The following CABIN1 variants were observed in gnomAD, a reference collection of about 807,000 sequenced individuals.
CABIN1 encodes calcineurin-binding protein cabin-1.
CABIN1 carries 133 observed loss-of-function variants against 227.7 expected under a neutral mutation model. That is an observed-to-expected ratio of 0.58 (90% CI 0.51 to 0.67). The LOEUF (loss-of-function observed/expected upper bound fraction) is 0.67. Among genes scored for constraint, CABIN1 ranks in the 30% least tolerant of loss-of-function variants. The pLI, the probability that CABIN1 is intolerant of heterozygous loss-of-function variation, is 0.00. For synonymous variants in CABIN1, 1,086 were observed against 1,155.1 expected (o/e 0.94, Z 1.21); for missense variants, 2,408 against 2,852.5 (o/e 0.84, Z 3.55).
Position 24,070,961 on chromosome 22 carries a change from C to G in CABIN1, c.2394C>G (p.Leu798=). ...TQLLMGIEQA[L]SADSSGSILK... ...TGCTGATGGGCATCGAGCAGGCCCT[C>G]TCTGCGGACAGCAGTGGTAGCATCC... is the stretch of plus-strand genomic sequence containing the variant. Residue 798 remains leucine, a synonymous_variant, in exon 17 of 37, where the codon CTC becomes CTG. Coordinates refer to ENST00000263119, the MANE Select transcript of CABIN1 (RefSeq NM_012295.4). 1 of 1,614,230 alleles carries G rather than the reference C, an allele frequency of 6.2e-7. No homozygotes were observed. The highest frequency in any genetic ancestry group is 8.5e-7 in the Non-Finnish European group (1 of 1,180,032).
chr22:24,119,218 C>T, intron 27 of CABIN1, 149 bp from the exon 28 acceptor site: 1 of 734,986 alleles, frequency 1.4e-6, no homozygotes, highest in South Asian at 1.5e-5. Context: ...CCTGTGCCTC[C>T]TGCTGCTGGG....
chr22:24,178,203 A>C lies in CABIN1; in HGVS notation c.*7A>C. 6.2e-7 allele frequency: 1 copy of C among 1,612,620 alleles called. No homozygotes were observed. Among genetic ancestry groups the C allele is most frequent in the South Asian group, 1.1e-5 (1 of 91,072 alleles). On this transcript the variant is annotated 3_prime_UTR_variant, in exon 37 of 37. Transcript: ENST00000263119. ...CGACTACATGGACATTTGAGGGGCC[A>C]CTGCAGCCCCACCGCCACGCCCCAG... is the stretch of plus-strand genomic sequence containing the variant.
At chr22:24,054,135 C>A (rs2038590925) in intron 8 of CABIN1, among the ~76,000 whole-genome samples, 1 of 152,118 alleles carries the variant, frequency 6.6e-6, no homozygotes, top group Non-Finnish European at 1.5e-5. Flanking sequence ...CACCATGAGG[C>A]CAGGCTGAGC....
At chr22:24,160,486 A>T (rs1418128754) in intron 29 of CABIN1, 1 of 152,278 alleles carries the variant, frequency 6.6e-6, no homozygotes, top group African/African-American at 2.4e-5. Flanking sequence ...CTGTGCCACT[A>T]AAAATGGCCC....
intron 1 of CABIN1, among the ~76,000 whole-genome samples, chr22:24,032,449 G>A (rs907074088): frequency 5.3e-5 from 8 of 152,166 alleles, no homozygotes; most frequent in Admixed American, 2.0e-4. Context: ...ATGAACATGA[G>A]TGTACAAGTG....
chr22:24,053,323 G>A (rs1187798566), intron 8 of CABIN1, among the ~76,000 whole-genome samples: 2 of 151,418 alleles, frequency 1.3e-5, no homozygotes, highest in South Asian at 2.1e-4. Context: ...TGATCTGCCC[G>A]CCTCGGCCTC....
chr22:24,026,123 C>T (rs375011425), intron 1 of CABIN1, among the ~76,000 whole-genome samples: 2 of 152,180 alleles, frequency 1.3e-5, no homozygotes, highest in African/African-American at 4.8e-5. Flanking sequence ...AGACTTGATC[C>T]ACTGGGCCTG....
intron 20 of CABIN1, among the ~76,000 whole-genome samples, chr22:24,083,610 T>C (rs143034222): frequency 2.0e-5 from 3 of 152,210 alleles, no homozygotes; most frequent in Non-Finnish European, 4.4e-5. Flanking sequence ...TTGACTAATA[T>C]GTAGAACCAG....
intron 1 of CABIN1, among the ~76,000 whole-genome samples, chr22:24,033,541 C>A (rs1336743808): frequency 1.3e-5 from 2 of 152,188 alleles, no homozygotes; most frequent in African/African-American, 4.8e-5. Flanking sequence ...CTGCTGGGCC[C>A]TTCCAGCCCC....
intron 1 of CABIN1, among the ~76,000 whole-genome samples, chr22:24,031,661 C>T (rs760029301): frequency 1.3e-5 from 2 of 152,130 alleles, no homozygotes; most frequent in African/African-American, 4.8e-5. Flanking sequence ...GAGGTGTTTT[C>T]GGATTCAGTG....
At chr22:24,159,250 G>A (rs1345774783) in intron 29 of CABIN1, among the ~76,000 whole-genome samples, 2 of 152,230 alleles carry the variant, frequency 1.3e-5, no homozygotes, top group African/African-American at 2.4e-5. Flanking sequence ...CCAGGGGACT[G>A]TGGCAGGGCA....
chr22:24,022,479 A>G (rs2035794597), intron 1 of CABIN1, among the ~76,000 whole-genome samples: 1 of 152,204 alleles, frequency 6.6e-6, no homozygotes, highest in Admixed American at 6.5e-5. Context: ...ATTCCACTGT[A>G]TGATATATCA....
chr22:24,134,558 G>C, intron 29 of CABIN1, 143 bp downstream of exon 29: 1 of 705,254 alleles, frequency 1.4e-6, no homozygotes, highest in Non-Finnish European at 2.5e-6. Context: ...TGGTACAGTC[G>C]AGAGTGAGCC....
At chr22:24,154,387 C>T (rs1021510686) in intron 29 of CABIN1, among the ~76,000 whole-genome samples, 2 of 152,180 alleles carry the variant, frequency 1.3e-5, no homozygotes, top group Non-Finnish European at 2.9e-5. Context: ...TGCTGTGTGA[C>T]TGCACCAGTG....
At chr22:24,123,041 T>G (rs2147983069) in intron 28 of CABIN1, among the ~76,000 whole-genome samples, 1 of 152,132 alleles carries the variant, frequency 6.6e-6, no homozygotes, top group South Asian at 2.1e-4. Context: ...CTGTCCACAC[T>G]CATAGTTTGC....
rs538221915 is a variant in CABIN1 at position 24,087,755 on chromosome 22, CCAGA to C, written c.3525+47_3525+50del. On this transcript the variant is annotated intron_variant, in intron 23 of 36. Coordinates refer to ENST00000263119, the MANE Select transcript of CABIN1 (RefSeq NM_012295.4). ...GCAGATGGGCTTGCCATCCTTCTGT[CCAGA>C]CAGAGTGCCCTCAGGTCAACGAAGC... The C allele has an allele frequency of 1.3e-4, 216 of 1,610,946 alleles. No individual in the cohort carries two copies. In the East Asian group the frequency reaches 4.7e-3, roughly 35 times the overall value.
At chr22:24,045,959 A>G (rs921874111) in intron 6 of CABIN1, among the ~76,000 whole-genome samples, 1 of 152,234 alleles carries the variant, frequency 6.6e-6, no homozygotes, top group African/African-American at 2.4e-5. Context: ...CAGTTTGTAT[A>G]TGTGAAAACA....
chr22:24,119,405 C>A lies in CABIN1; in HGVS notation c.4339C>A (p.Arg1447=). Residue 1447 remains arginine (R), a synonymous_variant, in exon 28 of 37, where the codon CGG becomes AGG. Coordinates refer to ENST00000263119, the MANE Select transcript of CABIN1 (RefSeq NM_012295.4). ...EESLESTEGF[R]AAEQGVQKPA... ...GTCATTGGAGAGTACAGAAGGCTTC[C>A]GGGCTGCAGAGCAAGGTGTCCAGAA... 6.2e-7 allele frequency: 1 copy of A among 1,613,976 alleles called. No homozygotes were observed. The highest frequency in any genetic ancestry group is 1.1e-5 in the South Asian group (1 of 91,092).
At chr22:24,094,561 T>C (rs2041759150) in intron 24 of CABIN1, among the ~76,000 whole-genome samples, 1 of 152,086 alleles carries the variant, frequency 6.6e-6, no homozygotes, top group Non-Finnish European at 1.5e-5. Context: ...CTCACGCCTG[T>C]AATTCCAGCA....
Sources: allele counts gnomAD v4.1 joint callset (sites outside exome capture counted in the v4.1 genomes callset), GRCh38; gene constraint gnomAD v4.1.1; transcripts MANE v1.5; gene names NCBI Gene and HGNC (gene_info 2026-07-23, HGNC 2026-07-21).